Variants in SIAE observed in about 807,000 individuals in gnomAD.
SIAE encodes sialate O-acetylesterase.
SIAE carries 39 observed loss-of-function variants against 52.6 expected under a neutral mutation model. The ratio of observed to expected loss-of-function variants is 0.74; its 90% CI spans 0.57 to 0.97. The LOEUF (loss-of-function observed/expected upper bound fraction) is 0.97. Ranked by LOEUF, SIAE falls within the 50% of genes least tolerant of loss-of-function variation. The pLI, the probability that SIAE is intolerant of heterozygous loss-of-function variation, is 0.00. For missense variants in SIAE, 592 were observed against 662.1 expected (o/e 0.89, Z 1.16); for synonymous variants, 233 against 241.4 (o/e 0.97, Z 0.32).
At chr11:124,664,667 C>G (rs893228176) in intron 2 of SIAE, among the ~76,000 whole-genome samples, 1 of 152,100 alleles carries the variant, frequency 6.6e-6, no homozygotes, top group Non-Finnish European at 1.5e-5. Context: ...AGCAAACAAT[C>G]AATGGAAAAA....
chr11:124,655,174 C>CTTCT (rs1555098375), intron 3 of SIAE, among the ~76,000 whole-genome samples: 3 of 135,086 alleles, frequency 2.2e-5, no homozygotes, highest in African/African-American at 9.1e-5. Flanking sequence ...TTAACTTCTT[C>CTTCT]TTTTTTTTTT....
chr11:124,639,698 A>T lies in SIAE; in HGVS notation c.1124+12T>A. ...ATACACTGTTCATGCAAAGCCCAAG[A>T]AGCAATCATACCTGCCAAAAGGCGA... On this transcript the variant is annotated intron_variant, in intron 8 of 9. Coordinates refer to ENST00000263593, the MANE Select transcript of SIAE (RefSeq NM_170601.5). 1.2e-6 allele frequency: 2 copies of T among 1,614,002 alleles called. No homozygotes were observed.
At chr11:124,644,211 T>C (rs1379833544) in intron 7 of SIAE, among the ~76,000 whole-genome samples, 1 of 152,050 alleles carries the variant, frequency 6.6e-6, no homozygotes, top group African/African-American at 2.4e-5. Flanking sequence ...TAGAATCTCA[T>C]GAAGACTAGA....
chr11:124,654,761 A>T lies in SIAE; in HGVS notation c.438T>A (p.Thr146=). The change falls in exon 4 of 10, where the codon ACT becomes ACA. Residue 146 remains threonine (T), a synonymous_variant. Transcript: ENST00000263593. ...GGATGCGGACAGACTGATATGCCGC[A>T]GTGTTAGACAACTCCCTTGTAGCAT... ...IFNATRELSN[T]AAYQSVRILS... is the part of the protein sequence containing the mutation. The T allele has an allele frequency of 6.2e-7, 1 of 1,614,046 alleles. No individual in the cohort carries two copies. Among genetic ancestry groups the T allele is most frequent in the Non-Finnish European group, 8.5e-7 (1 of 1,180,018 alleles).
Position 124,637,141 on chromosome 11 carries a change from G to T in SIAE, c.1382C>A (p.Thr461Asn). ...WLPASMNTVS[T>N]QSLTLAIDSC... ...ATCGATCGCCAGGGTCAGGGACTGG[G>T]TGGAGACGGTGTTCATAGAAGCTGG... The change falls in exon 10 of 10, where the codon ACC becomes AAC. Residue 461 changes from threonine to asparagine, a missense_variant. By Grantham distance (65) the Thr-to-Asn change is moderately conservative (BLOSUM62 0). Transcript: ENST00000263593. 1 of 1,614,170 alleles carries T rather than the reference G, an allele frequency of 6.2e-7. No individual in the cohort carries two copies. The highest frequency in any genetic ancestry group is 1.1e-5 in the South Asian group (1 of 91,076).
At chr11:124,639,213 T>C (rs974434162) in intron 8 of SIAE, among the ~76,000 whole-genome samples, 1 of 152,206 alleles carries the variant, frequency 6.6e-6, no homozygotes, top group Non-Finnish European at 1.5e-5. Flanking sequence ...TCCCCTCACA[T>C]CCTACAGTTA....
chr11:124,637,634 T>G (rs1315342727), intron 9 of SIAE, among the ~76,000 whole-genome samples: 1 of 152,134 alleles, frequency 6.6e-6, no homozygotes, highest in Non-Finnish European at 1.5e-5. Flanking sequence ...ATACAAAACC[T>G]TTCTCAAGCC....
Position 124,633,296 on chromosome 11 carries a change from A to G in SIAE, c.*3655T>C, listed in dbSNP as rs1591378577. 2 of 152,324 alleles carry G rather than the reference A, an allele frequency of 1.3e-5. No homozygotes were observed. Among genetic ancestry groups the G allele is most frequent in the Non-Finnish European group, 2.9e-5 (2 of 68,028 alleles). The allele number at this position is 152,324 out of a possible 1,614,324, so 9.4% of individuals were successfully genotyped here. ...ATAATATAACTCCATGTTCCATGCA[A>G]CTGGATTTTTGGACCCTGTTAATAG... On this transcript the variant is annotated 3_prime_UTR_variant, in exon 10 of 10. Transcript: ENST00000263593.
intron 7 of SIAE, 86 bp from the exon 8 acceptor site, chr11:124,639,953 C>G: frequency 6.8e-7 from 1 of 1,473,148 alleles, no homozygotes; most frequent in Non-Finnish European, 9.4e-7. Context: ...TTCTGCTTCT[C>G]TCATTGCATT....
chr11:124,661,706 GA>G (rs1216907499), intron 2 of SIAE, among the ~76,000 whole-genome samples: 1 of 151,382 alleles, frequency 6.6e-6, no homozygotes, highest in Admixed American at 6.6e-5. Flanking sequence ...TGGGAAAATA[GA>G]AAAAAAATGG....
At chr11:124,668,191 T>C (rs1943299279) in intron 2 of SIAE, among the ~76,000 whole-genome samples, 2 of 152,156 alleles carry the variant, frequency 1.3e-5, no homozygotes, top group African/African-American at 2.4e-5. Context: ...ATCTCTCCCA[T>C]GGCCCAGGTA....
In SIAE at chr11:124,660,742, C is replaced by G. The variant is rs372169691; in HGVS notation, c.291G>C (p.Val97=). 1.9e-6 allele frequency: 3 copies of G among 1,614,076 alleles called. No homozygotes were observed. The African/African-American group carries it at 4.0e-5, about 22-fold the overall frequency. Residue 97 remains valine, a synonymous_variant, in exon 3 of 10, where the codon GTG becomes GTC. Coordinates refer to ENST00000263593, the MANE Select transcript of SIAE (RefSeq NM_170601.5). ...DPMKPGGPFE[V]MAQQTLEKIN... ...TTTTCTCCAAAGTCTGTTGTGCCAT[C>G]ACTTCGAAAGGTCCTCCAGGCTTCA...
chr11:124,649,658 G>T lies in SIAE; in HGVS notation c.683C>A (p.Ser228Tyr). The T allele has an allele frequency of 6.2e-7, 1 of 1,614,202 alleles. No individual in the cohort carries two copies. The change falls in exon 5 of 10, where the codon TCT becomes TAT. Residue 228 changes from serine to tyrosine, a missense_variant. Ser to Tyr is a moderately radical substitution (Grantham distance 144). Transcript: ENST00000263593. ...WGGTPIEAWS[S>Y]GRSLKACGVP... is the part of the protein sequence containing the mutation. ...CCCACAGGCTTTCAGTGACCGTCCAGATGACCAGGCTTCAATGGGTGTCCC... is the reference window on the plus strand; with the variant it reads ...CCCACAGGCTTTCAGTGACCGTCCATATGACCAGGCTTCAATGGGTGTCCC...
intron 2 of SIAE, among the ~76,000 whole-genome samples, chr11:124,661,832 G>A (rs1309337224): frequency 1.3e-5 from 2 of 152,166 alleles, no homozygotes; most frequent in African/African-American, 2.4e-5. Flanking sequence ...GATAAGAACT[G>A]GAAATGGAGC....
At chr11:124,651,510 T>C (rs1171508576) in intron 4 of SIAE, among the ~76,000 whole-genome samples, 2 of 147,380 alleles carry the variant, frequency 1.4e-5, no homozygotes. Context: ...ATCGTGCCAC[T>C]GCACTCCAGC....
In SIAE at chr11:124,638,420, G is replaced by A. The variant is rs1942786354; in HGVS notation, c.1320+122C>T. On this transcript the variant is annotated intron_variant, in intron 9 of 9. Coordinates refer to ENST00000263593, the MANE Select transcript of SIAE (RefSeq NM_170601.5). ...CTGTTTATTTGCAGCTCTGAAATAA[G>A]CTCAGCCCCCAACCAACCAAGACCC... The A allele has an allele frequency of 5.8e-6, 6 of 1,038,794 alleles. No homozygotes were observed. The South Asian group carries it at 8.1e-5, about 14-fold the overall frequency. 64.3% of individuals were successfully genotyped at this position (1,038,794 alleles called of 1,614,324 possible). A position where few individuals can be genotyped will look rare whatever the true frequency, so the allele number is the denominator to read the frequency against.
chr11:124,660,477 T>C lies in SIAE; in HGVS notation c.405+151A>G, dbSNP rs542965795. 1.7e-4 allele frequency: 126 copies of C among 762,112 alleles called. 2 individuals are homozygous for C. The highest frequency in any genetic ancestry group is 1.6e-3 in the South Asian group (112 of 69,336). The allele number at this position is 762,112 out of a possible 1,614,324, so 47.2% of individuals were successfully genotyped here. A position where few individuals can be genotyped will look rare whatever the true frequency, so the allele number is the denominator to read the frequency against. On this transcript the variant is annotated intron_variant, in intron 3 of 9. Transcript: ENST00000263593. ...TCTTAAGATTGTTAAGTCAAATTAA[T>C]GAATTCATTCAAAGCATTTAGAACA...
intron 3 of SIAE, among the ~76,000 whole-genome samples, chr11:124,657,729 G>A (rs1463473591): frequency 6.6e-6 from 1 of 152,096 alleles, no homozygotes; most frequent in African/African-American, 2.4e-5. Context: ...AATGGGGGTG[G>A]GGACCATTCC....
Position 124,660,756 on chromosome 11 carries a change from C to G in SIAE, c.277G>C (p.Gly93Arg). The G allele has an allele frequency of 6.2e-7, 1 of 1,614,168 alleles. No individual in the cohort carries two copies. The highest frequency in any genetic ancestry group is 8.5e-7 in the Non-Finnish European group (1 of 1,180,040). Residue 93 changes from glycine (G) to arginine (R), a missense_variant, in exon 3 of 10, where the codon GGA (glycine) becomes CGA (arginine). Physicochemically the swap from Gly to Arg is moderately radical, Grantham distance 125 (BLOSUM62 -2). Coordinates refer to ENST00000263593, the MANE Select transcript of SIAE (RefSeq NM_170601.5). The part of the protein sequence containing the change: ...MVVLDPMKPG[G>R]PFEVMAQQTL... ...TGTTGTGCCATCACTTCGAAAGGTC[C>G]TCCAGGCTTCATAGGATCCAGTACC...
Sources: gnomAD v4.1 joint callset for allele counts (sites outside exome capture counted in the v4.1 genomes callset) on GRCh38, gnomAD v4.1.1 for gene constraint, MANE v1.5 for transcripts, NCBI Gene and HGNC (gene_info 2026-07-23, HGNC 2026-07-21) for gene names.